Variants in FAF1 observed in about 807,000 individuals in gnomAD.
FAF1 encodes FAS-associated factor 1.
FAF1 carries 25 observed loss-of-function variants against 92.5 expected under a neutral mutation model. The ratio of observed to expected loss-of-function variants is 0.27; its 90% CI spans 0.20 to 0.38. The LOEUF is 0.38. Ranked by LOEUF, FAF1 falls within the 10% of genes least tolerant of loss-of-function variation. The pLI is 1.00. For synonymous variants in FAF1, 234 were observed against 273.2 expected, an observed-to-expected ratio of 0.86 and a Z score of 1.42; for missense variants, 636 against 793.3, an observed-to-expected ratio of 0.80 and a Z score of 2.38.
intron 6 of FAF1, among the ~76,000 whole-genome samples, chr1:50,723,636 G>C (rs1658505347): frequency 6.6e-6 from 1 of 152,086 alleles, no homozygotes. Flanking sequence ...TTCCGACCAG[G>C]TGCAGTGGCT....
intron 7 of FAF1, among the ~76,000 whole-genome samples, chr1:50,664,662 C>T (rs1037856162): frequency 1.3e-5 from 2 of 152,096 alleles, no homozygotes; most frequent in African/African-American, 2.4e-5. Context: ...GGCATGGTGG[C>T]GGGCGCCTGT....
chr1:50,602,026 G>C (rs1307239021), intron 8 of FAF1, among the ~76,000 whole-genome samples: 3 of 151,970 alleles, frequency 2.0e-5, no homozygotes, highest in Non-Finnish European at 4.4e-5. Flanking sequence ...CAACTAAATG[G>C]CCTCTCAGAT....
intron 2 of FAF1, among the ~76,000 whole-genome samples, chr1:50,823,852 A>C (rs530316372): frequency 1.3e-3 from 197 of 152,314 alleles, no homozygotes; most frequent in African/African-American, 4.3e-3. Context: ...CAATATAAAT[A>C]GTCCCATTAA....
rs113191566 is a variant in FAF1, at chr1:50,625,059, G to A, written c.745-28843C>T. On this transcript the variant is annotated intron_variant, in intron 8 of 18. Transcript: ENST00000396153. The stretch of plus-strand genomic sequence containing the variant: ...TGGGATTACAGGCGTGCACCACCAC[G>A]CCCAGCTAATTTTGTATTTTAATAA... 7.8e-3 allele frequency among the ~76,000 whole-genome samples: 1,184 copies of A among 151,754 alleles called. 13 individuals carry two copies. The highest frequency in any genetic ancestry group is 0.027 in the African/African-American group (1,128 of 41,374).
intron 4 of FAF1, among the ~76,000 whole-genome samples, chr1:50,757,477 T>C (rs549093146): frequency 4.6e-5 from 7 of 152,362 alleles, no homozygotes; most frequent in Admixed American, 2.0e-4. Flanking sequence ...TCTTGATGAA[T>C]CTACAGTTTC....
At chr1:50,581,757 G>A (rs1650995447) in intron 12 of FAF1, among the ~76,000 whole-genome samples, 3 of 152,124 alleles carry the variant, frequency 2.0e-5, no homozygotes, top group African/African-American at 7.2e-5. Context: ...CAGAATGAAA[G>A]GCATTTCTAG....
At chr1:50,768,024 C>T (rs976282941) in intron 4 of FAF1, among the ~76,000 whole-genome samples, 9 of 152,138 alleles carry the variant, frequency 5.9e-5, no homozygotes, top group African/African-American at 2.2e-4. Flanking sequence ...AGAAGAAAGA[C>T]CCAACTGTAT....
intron 8 of FAF1, among the ~76,000 whole-genome samples, chr1:50,629,604 G>A (rs1365710254): frequency 6.6e-6 from 1 of 152,158 alleles, no homozygotes; most frequent in Non-Finnish European, 1.5e-5. Context: ...GTAAAAAGAG[G>A]TAGCCTTTAG....
At position 50,931,583 on chromosome 1, in the gene FAF1, C is replaced by T. The variant is rs1645047419; in HGVS notation, c.45+28184G>A. Among the ~76,000 whole-genome samples the T allele has an allele frequency of 2.0e-5, 3 of 152,084 alleles. 1 individual carries two copies. On this transcript the variant is annotated intron_variant, in intron 1 of 18. Transcript: ENST00000396153. ...CTTATTCACTATCACAAGAATAGCA[C>T]GTGGGTGGGCGCAGTGACTCACACC...
chr1:50,796,278 A>T (rs1661748006), intron 3 of FAF1, among the ~76,000 whole-genome samples: 1 of 152,094 alleles, frequency 6.6e-6, no homozygotes, highest in Admixed American at 6.6e-5. Flanking sequence ...TCACCCTAGC[A>T]GTGACATATC....
intron 8 of FAF1, among the ~76,000 whole-genome samples, chr1:50,629,250 A>G (rs1569622517): frequency 6.7e-6 from 1 of 150,142 alleles, no homozygotes; most frequent in East Asian, 2.0e-4. Context: ...GCTCACTGCA[A>G]CCTCCGCCTC....
At chr1:50,631,860 T>TA (rs1183198817) in intron 8 of FAF1, among the ~76,000 whole-genome samples, 1 of 152,190 alleles carries the variant, frequency 6.6e-6, no homozygotes, top group African/African-American at 2.4e-5. Flanking sequence ...ATTGAACCTA[T>TA]ATGAAGATTT....
At chr1:50,585,961 G>C (rs528255816) in intron 9 of FAF1, among the ~76,000 whole-genome samples, 1 of 151,884 alleles carries the variant, frequency 6.6e-6, no homozygotes, top group Non-Finnish European at 1.5e-5. Flanking sequence ...GCTGAGGCAG[G>C]AGGATCACTT....
At chr1:50,581,360 A>T (rs1229458037) in intron 12 of FAF1, among the ~76,000 whole-genome samples, 1 of 152,176 alleles carries the variant, frequency 6.6e-6, no homozygotes, top group Non-Finnish European at 1.5e-5. Flanking sequence ...AACATACTCT[A>T]GAAAATAGAA....
chr1:50,813,596 G>T (rs1382308777), intron 2 of FAF1, among the ~76,000 whole-genome samples: 1 of 152,048 alleles, frequency 6.6e-6, no homozygotes, highest in Admixed American at 6.5e-5. Context: ...GAGTAGCTCG[G>T]ACTACAGGCA....
chr1:50,557,292 C>T (rs1375413846), intron 13 of FAF1, among the ~76,000 whole-genome samples: 1 of 152,198 alleles, frequency 6.6e-6, no homozygotes, highest in Admixed American at 6.5e-5. Flanking sequence ...AGTTAGCCAA[C>T]AGTAGATAAA....
At chr1:50,631,391 G>A (rs1366457049) in intron 8 of FAF1, among the ~76,000 whole-genome samples, 1 of 152,144 alleles carries the variant, frequency 6.6e-6, no homozygotes, top group Admixed American at 6.5e-5. Flanking sequence ...TATCCATGCT[G>A]TATACTCAAC....
At chr1:50,955,083 C>T (rs1475425561) in intron 1 of FAF1, among the ~76,000 whole-genome samples, 1 of 152,152 alleles carries the variant, frequency 6.6e-6, no homozygotes, top group African/African-American at 2.4e-5. Flanking sequence ...TGATAGCAAT[C>T]GCAATTATTT....
At chr1:50,467,024 C>T (rs1453187653) in intron 18 of FAF1, among the ~76,000 whole-genome samples, 1 of 152,126 alleles carries the variant, frequency 6.6e-6, no homozygotes, top group Non-Finnish European at 1.5e-5. Context: ...GATCTATTGC[C>T]CCTTTTGCTT....
Sources: gnomAD v4.1 joint callset for allele counts (sites outside exome capture counted in the v4.1 genomes callset) on GRCh38, gnomAD v4.1.1 for gene constraint, MANE v1.5 for transcripts, NCBI Gene and HGNC (gene_info 2026-07-23, HGNC 2026-07-21) for gene names.